DNAH3: variants seen among roughly 807,000 people sequenced by gnomAD.
DNAH3 encodes the protein dynein axonemal heavy chain 3.
A neutral mutation model predicts 432.5 loss-of-function variants in DNAH3; 332 were observed. The observed-to-expected ratio is 0.77, with a 90% CI of 0.70 to 0.84. The LOEUF (loss-of-function observed/expected upper bound fraction) is 0.84. Among genes scored for constraint, DNAH3 ranks in the 40% least tolerant of loss-of-function variants. The probability of loss-of-function intolerance (pLI) is 0.00; values close to 1 mark genes in which losing one functional copy is unlikely to be tolerated. For missense variants in DNAH3, 4,861 were observed against 5,114.0 expected (o/e 0.95, Z 1.51); for synonymous variants, 1,956 against 1,900.2 (o/e 1.03, Z -0.76).
chr16:21,003,590 G>A (rs1026866417), intron 41 of DNAH3, among the ~76,000 whole-genome samples: 12 of 151,920 alleles, frequency 7.9e-5, no homozygotes, highest in African/African-American at 2.9e-4. Context: ...CTCGCCAACA[G>A]GGTGAAACCC....
chr16:21,016,085 G>A (rs767991801), intron 41 of DNAH3, among the ~76,000 whole-genome samples: 1 of 151,912 alleles, frequency 6.6e-6, no homozygotes, highest in Non-Finnish European at 1.5e-5. Flanking sequence ...CACTGTGCCT[G>A]GCCGAGATAT....
intron 43 of DNAH3, among the ~76,000 whole-genome samples, chr16:20,998,012 A>G (rs2086840048): frequency 6.6e-6 from 1 of 152,120 alleles, no homozygotes; most frequent in South Asian, 2.1e-4. Flanking sequence ...CCCTGCCTCA[A>G]AAAGAAAATA....
At chr16:21,032,903 T>C (rs1242220371) in intron 36 of DNAH3, among the ~76,000 whole-genome samples, 3 of 152,232 alleles carry the variant, frequency 2.0e-5, no homozygotes, top group South Asian at 2.1e-4. Context: ...ATTAAAATGG[T>C]ATATTAAAGG....
At chr16:21,019,755 G>A in exon 41 of DNAH3, 2 of 1,614,146 alleles carry the variant, frequency 1.2e-6, no homozygotes, top group South Asian at 2.2e-5. Flanking sequence ...GATGGTGCCA[G>A]CCACGGTCCA....
rs758615737 is a variant in DNAH3 at position 21,019,887 on chromosome 16, G to A, written c.5777-18C>T. 11 of 1,612,544 alleles carry A rather than the reference G, an allele frequency of 6.8e-6. No individual in the cohort carries two copies. Among genetic ancestry groups the A allele is most frequent in the African/African-American group, 2.7e-5 (2 of 74,842 alleles). On this transcript the variant is annotated intron_variant, in intron 40 of 61. Transcript: ENST00000261383. ...GATTTCATCTAAAAGTGAGAAAAGC[G>A]AATCTCAGGACAGAGTGCAGAATGC...
chr16:21,041,404 T>G (rs1391270523), intron 32 of DNAH3, among the ~76,000 whole-genome samples: 1 of 152,138 alleles, frequency 6.6e-6, no homozygotes, highest in Admixed American at 6.5e-5. Context: ...TGGATCCAAA[T>G]TCTATCTTGG....
chr16:20,996,579 C>A (rs374433444), intron 44 of DNAH3, among the ~76,000 whole-genome samples: 3 of 152,152 alleles, frequency 2.0e-5, no homozygotes, highest in Non-Finnish European at 4.4e-5. Flanking sequence ...CCTGCCTCAG[C>A]CTCCCAAGTA....
intron 55 of DNAH3, 115 bp downstream of exon 55, chr16:20,954,698 C>A: frequency 8.7e-7 from 1 of 1,152,066 alleles, no homozygotes; most frequent in Non-Finnish European, 1.2e-6. Context: ...ATATTTATAC[C>A]GTATCTTACT....
chr16:21,070,705 C>T lies in DNAH3; in HGVS notation c.3201+5G>A. The T allele has an allele frequency of 1.9e-6, 3 of 1,593,762 alleles. No homozygotes were observed. Among genetic ancestry groups the T allele is most frequent in the Non-Finnish European group, 2.6e-6 (3 of 1,161,588 alleles). On this transcript the variant is annotated splice_donor_5th_base_variant and intron_variant, in intron 22 of 61. Transcript: ENST00000261383. Reference sequence around the variant, plus strand: ...CTCAAAGCATTCAACTTCATTTCCTCTTACCCGGCATTCTGCTTCTATTGG... The same window carrying T: ...CTCAAAGCATTCAACTTCATTTCCTTTTACCCGGCATTCTGCTTCTATTGG...
intron 44 of DNAH3, 144 bp from the exon 45 acceptor site, chr16:20,988,209 C>A: frequency 1.1e-6 from 1 of 879,178 alleles, no homozygotes. Context: ...CCTCTAGCCA[C>A]CTGCAGCAAA....
At chr16:21,063,715 G>A (rs945095422) in intron 24 of DNAH3, among the ~76,000 whole-genome samples, 2 of 151,652 alleles carry the variant, frequency 1.3e-5, no homozygotes, top group African/African-American at 4.8e-5. Context: ...GCTAATTTTT[G>A]TATACTTTGT....
intron 43 of DNAH3, among the ~76,000 whole-genome samples, chr16:20,999,703 A>T (rs908680765): frequency 2.0e-5 from 3 of 152,188 alleles, no homozygotes; most frequent in African/African-American, 7.2e-5. Flanking sequence ...TAATAAGCTC[A>T]CAGGGTTGTG....
intron 59 of DNAH3, among the ~76,000 whole-genome samples, chr16:20,940,894 G>T (rs2083780905): frequency 6.6e-6 from 1 of 151,630 alleles, no homozygotes; most frequent in African/African-American, 2.4e-5. Context: ...AGGAGTTCAA[G>T]ACCAGCCTGG....
At chr16:20,973,876 C>A (rs2085456229) in intron 51 of DNAH3, among the ~76,000 whole-genome samples, 1 of 152,166 alleles carries the variant, frequency 6.6e-6, no homozygotes, top group Non-Finnish European at 1.5e-5. Context: ...GAAGGGCATT[C>A]TGTGTAGAGG....
intron 59 of DNAH3, among the ~76,000 whole-genome samples, chr16:20,938,027 A>G (rs1040393764): frequency 6.6e-6 from 1 of 152,120 alleles, no homozygotes; most frequent in Non-Finnish European, 1.5e-5. Context: ...TGGAATCTCA[A>G]CTGAATGGAC....
chr16:20,957,948 C>CT (rs2084647563), intron 54 of DNAH3, among the ~76,000 whole-genome samples: 1 of 146,034 alleles, frequency 6.8e-6, no homozygotes, highest in African/African-American at 2.5e-5. Context: ...CTTTGTTGGG[C>CT]TTTAAAATTC....
exon 38 of DNAH3, chr16:21,027,027 C>G (rs1307197215): frequency 1.2e-6 from 2 of 1,613,410 alleles, no homozygotes; most frequent in Non-Finnish European, 1.7e-6. Context: ...GCTGCCTCAC[C>G]TGCTCACAGT....
chr16:20,964,494 A>G, exon 53 of DNAH3: 1 of 1,614,158 alleles, frequency 6.2e-7, no homozygotes, highest in Non-Finnish European at 8.5e-7. Context: ...GCTCTTCTCC[A>G]ATGTTTTCAA....
intron 59 of DNAH3, 38 bp downstream of exon 59, chr16:20,941,363 T>A: frequency 1.2e-6 from 2 of 1,612,080 alleles, no homozygotes; most frequent in Non-Finnish European, 1.7e-6. Context: ...CTCCTCACGT[T>A]CCAACTCCCA....
Sources: gnomAD v4.1 joint callset for allele counts (sites outside exome capture counted in the v4.1 genomes callset) on GRCh38, gnomAD v4.1.1 for gene constraint, MANE v1.5 for transcripts, NCBI Gene and HGNC (gene_info 2026-07-23, HGNC 2026-07-21) for gene names.